KCNB2: variants seen among roughly 807,000 people sequenced by gnomAD.
KCNB2 encodes potassium voltage-gated channel subfamily B member 2, also known as delayed rectifier potassium channel protein.
A neutral mutation model predicts 61.5 loss-of-function variants in KCNB2; 15 were observed. The observed-to-expected ratio is 0.24, with a 90% CI of 0.16 to 0.38. The LOEUF is 0.38. Ranked by LOEUF, KCNB2 falls within the 10% of genes least tolerant of loss-of-function variation. The probability of loss-of-function intolerance (pLI) is 1.00; values close to 1 mark genes in which losing one functional copy is unlikely to be tolerated. For synonymous variants in KCNB2, 457 were observed against 446.0 expected (o/e 1.02, Z -0.31); for missense variants, 828 against 1,125.2 (o/e 0.74, Z 3.78).
At chr8:72,670,503 C>A (rs2246456) in intron 2 of KCNB2, among the ~76,000 whole-genome samples, 65,350 of 151,930 alleles carry the variant, frequency 0.43, 17,709 homozygotes, top group East Asian at 0.76. Context: ...TCTCTTTTTC[C>A]GAACCTCTCC....
chr8:72,935,811 T>G, intron 2 of KCNB2, 124 bp from the exon 3 acceptor site: 1 of 716,518 alleles, frequency 1.4e-6, no homozygotes, highest in Non-Finnish European at 2.4e-6. Context: ...AAAATTACCT[T>G]CTTATAATCT....
chr8:72,693,598 C>T (rs1227651354), intron 2 of KCNB2, among the ~76,000 whole-genome samples: 1 of 152,162 alleles, frequency 6.6e-6, no homozygotes, highest in Non-Finnish European at 1.5e-5. Flanking sequence ...GGGTCCCAGG[C>T]TCAGAAATAT....
intron 2 of KCNB2, among the ~76,000 whole-genome samples, chr8:72,627,710 C>T (rs188343893): frequency 2.0e-5 from 3 of 152,326 alleles, no homozygotes; most frequent in African/African-American, 7.2e-5. Flanking sequence ...GAGCCGCACC[C>T]ATCCACATCT....
intron 2 of KCNB2, among the ~76,000 whole-genome samples, chr8:72,705,955 T>G (rs929265100): frequency 6.6e-6 from 1 of 152,176 alleles, no homozygotes; most frequent in African/African-American, 2.4e-5. Flanking sequence ...GGTTCCTGAT[T>G]GTGCTACTAT....
chr8:72,896,416 C>T (rs1387527473), intron 2 of KCNB2, among the ~76,000 whole-genome samples: 1 of 152,108 alleles, frequency 6.6e-6, no homozygotes, highest in East Asian at 1.9e-4. Flanking sequence ...AAGGCCAACA[C>T]TAAATGATAT....
chr8:72,597,001 CTTTTTTTTTTTTTTTTTTTTTTTT>C (rs869160203), intron 2 of KCNB2, among the ~76,000 whole-genome samples: 6 of 64,658 alleles, frequency 9.3e-5, no homozygotes, highest in Admixed American at 3.6e-4. Flanking sequence ...TGCTTGCTTG[CTTTTTTTTTTTTTTTTTTTTTTTT>C]TTTTTTTTTT....
In KCNB2 at chr8:72,694,252, C is replaced by T. The variant is rs981673982; in HGVS notation, c.579+125939C>T. 3.3e-5 allele frequency among the ~76,000 whole-genome samples: 5 copies of T among 152,210 alleles called. No individual in the cohort carries two copies. The East Asian group carries it at 9.6e-4, about 29-fold the overall frequency. On this transcript the variant is annotated intron_variant, in intron 2 of 2. Transcript: ENST00000523207. Reference sequence around the variant, plus strand: ...TTGCATAAGGTGGCTAGGACAAAGACTGGCTTTTAGAGGCAAATCAGTGAG... The same window carrying T: ...TTGCATAAGGTGGCTAGGACAAAGATTGGCTTTTAGAGGCAAATCAGTGAG...
At chr8:72,587,937 A>G (rs1286579337) in intron 2 of KCNB2, among the ~76,000 whole-genome samples, 1 of 152,212 alleles carries the variant, frequency 6.6e-6, no homozygotes, top group Non-Finnish European at 1.5e-5. Context: ...TTCATTGAAA[A>G]TCTGAAAGAG....
chr8:72,652,593 T>G (rs1806229254), intron 2 of KCNB2, among the ~76,000 whole-genome samples: 1 of 152,166 alleles, frequency 6.6e-6, no homozygotes, highest in Non-Finnish European at 1.5e-5. Context: ...AAGATCTGCC[T>G]TCAGCCTGTC....
intron 2 of KCNB2, among the ~76,000 whole-genome samples, chr8:72,688,930 C>T (rs1469578164): frequency 6.6e-6 from 1 of 152,040 alleles, no homozygotes; most frequent in African/African-American, 2.4e-5. Context: ...GGTTTCACCA[C>T]GTTGGCCAGG....
chr8:72,868,526 C>A (rs992743705), intron 2 of KCNB2, among the ~76,000 whole-genome samples: 1 of 151,550 alleles, frequency 6.6e-6, no homozygotes, highest in Non-Finnish European at 1.5e-5. Flanking sequence ...TGCAGTGAGC[C>A]GAGATAATGC....
chr8:72,658,341 T>C (rs567805933), intron 2 of KCNB2, among the ~76,000 whole-genome samples: 1 of 152,332 alleles, frequency 6.6e-6, no homozygotes, highest in African/African-American at 2.4e-5. Context: ...CATTTCCTTA[T>C]GCTAAAGCCT....
At chr8:72,689,569 C>T (rs1328765865) in intron 2 of KCNB2, among the ~76,000 whole-genome samples, 2 of 152,184 alleles carry the variant, frequency 1.3e-5, no homozygotes, top group African/African-American at 4.8e-5. Context: ...CGTTCCCACT[C>T]CCAGCCCCAG....
At chr8:72,916,179 A>G (rs185570745) in intron 2 of KCNB2, among the ~76,000 whole-genome samples, 2 of 152,330 alleles carry the variant, frequency 1.3e-5, no homozygotes, top group Non-Finnish European at 2.9e-5. Flanking sequence ...ATTTGTTTAT[A>G]TTAAGGGTTA....
At chr8:72,731,653 C>A (rs541050261) in intron 2 of KCNB2, among the ~76,000 whole-genome samples, 1 of 152,328 alleles carries the variant, frequency 6.6e-6, no homozygotes, top group African/African-American at 2.4e-5. Flanking sequence ...ATCATTTGAC[C>A]TTTCTCAGCT....
chr8:72,678,115 C>T (rs893131019), intron 2 of KCNB2, among the ~76,000 whole-genome samples: 1 of 152,164 alleles, frequency 6.6e-6, no homozygotes, highest in African/African-American at 2.4e-5. Flanking sequence ...ATCCTTAGCC[C>T]TCCTTTTTGT....
intron 2 of KCNB2, among the ~76,000 whole-genome samples, chr8:72,852,726 G>A (rs1028990264): frequency 5.6e-5 from 8 of 142,104 alleles, no homozygotes; most frequent in African/African-American, 1.8e-4. Flanking sequence ...AAATGAATGT[G>A]TAACAGTGAG....
intron 2 of KCNB2, among the ~76,000 whole-genome samples, chr8:72,836,112 C>A (rs1809777757): frequency 6.6e-6 from 1 of 152,214 alleles, no homozygotes; most frequent in Non-Finnish European, 1.5e-5. Flanking sequence ...TGTTCACCTG[C>A]CCTTGTTTCT....
At chr8:72,579,881 G>A (rs1256038703) in intron 2 of KCNB2, among the ~76,000 whole-genome samples, 2 of 152,038 alleles carry the variant, frequency 1.3e-5, no homozygotes, top group Non-Finnish European at 2.9e-5. Context: ...CAGCCTGGGG[G>A]AAAAAAAGGA....
Sources: allele counts gnomAD v4.1 joint callset (sites outside exome capture counted in the v4.1 genomes callset), GRCh38; gene constraint gnomAD v4.1.1; transcripts MANE v1.5; gene names NCBI Gene and HGNC (gene_info 2026-07-23, HGNC 2026-07-21).